The following TENM3 variants were observed in gnomAD, a reference collection of about 807,000 sequenced individuals.
TENM3 encodes teneurin transmembrane protein 3.
A neutral mutation model predicts 255.1 loss-of-function variants in TENM3; 63 were observed. The ratio of observed to expected loss-of-function variants is 0.25; its 90% CI spans 0.20 to 0.30. TENM3 has a LOEUF of 0.30. Ranked by LOEUF, TENM3 falls within the 10% of genes least tolerant of loss-of-function variation. The pLI is 1.00. For missense variants in TENM3, 2,929 were observed against 3,461.1 expected, an observed-to-expected ratio of 0.85 and a Z score of 3.86; for synonymous variants, 1,306 against 1,322.3, an observed-to-expected ratio of 0.99 and a Z score of 0.27.
At chr4:182,705,509 A>C (rs1484817656) in intron 12 of TENM3, among the ~76,000 whole-genome samples, 1 of 152,216 alleles carries the variant, frequency 6.6e-6, no homozygotes, top group Non-Finnish European at 1.5e-5. Flanking sequence ...AAACAATGTG[A>C]GTTGTTCATA....
intron 1 of TENM3, among the ~76,000 whole-genome samples, chr4:182,183,885 T>C (rs140684708): frequency 2.6e-4 from 39 of 152,336 alleles, no homozygotes; most frequent in African/African-American, 9.1e-4. Flanking sequence ...ATGAGTATTC[T>C]CAAATGTCTG....
the TENM3 span, among the ~76,000 whole-genome samples, chr4:181,709,813 G>A: frequency 3.3e-5 from 5 of 152,158 alleles, no homozygotes; most frequent in Admixed American, 6.5e-5. Flanking sequence ...TTGAAGTAGC[G>A]TTCAGAAGAT....
At chr4:182,256,965 A>G (rs1046235655) in intron 1 of TENM3, among the ~76,000 whole-genome samples, 2 of 151,984 alleles carry the variant, frequency 1.3e-5, no homozygotes, top group Non-Finnish European at 2.9e-5. Flanking sequence ...TCAGCTTCAC[A>G]CAGAGCTCCC....
intron 3 of TENM3, among the ~76,000 whole-genome samples, chr4:182,432,492 C>T (rs1771735080): frequency 1.3e-5 from 2 of 152,134 alleles, no homozygotes; most frequent in African/African-American, 4.8e-5. Flanking sequence ...ATTTTTAGGA[C>T]AATATGTACA....
chr4:181,769,828 T>G, the TENM3 span, among the ~76,000 whole-genome samples: 1 of 152,216 alleles, frequency 6.6e-6, no homozygotes, highest in Non-Finnish European at 1.5e-5. Flanking sequence ...TTTAATCATT[T>G]ACTACACCCC....
chr4:182,556,436 T>C (rs1742594351), intron 3 of TENM3, among the ~76,000 whole-genome samples: 1 of 152,176 alleles, frequency 6.6e-6, no homozygotes, highest in South Asian at 2.1e-4. Flanking sequence ...AACTCAACTA[T>C]GCGAACTATC....
At chr4:181,923,047 G>A in the TENM3 span, among the ~76,000 whole-genome samples, 20 of 152,280 alleles carry the variant, frequency 1.3e-4, no homozygotes, top group African/African-American at 4.3e-4. Context: ...GAGCGGCTTT[G>A]AGTGAGTTTC....
the TENM3 span, among the ~76,000 whole-genome samples, chr4:182,081,219 G>A: frequency 6.6e-6 from 1 of 152,056 alleles, no homozygotes; most frequent in Admixed American, 6.6e-5. Flanking sequence ...TACTCTTCTT[G>A]AATAGGTGCC....
the TENM3 span, among the ~76,000 whole-genome samples, chr4:181,768,666 T>A: frequency 6.6e-6 from 1 of 152,190 alleles, no homozygotes; most frequent in Non-Finnish European, 1.5e-5. Context: ...CTTTTTTTTC[T>A]ATCAAACCAG....
At chr4:181,893,883 T>C in the TENM3 span, among the ~76,000 whole-genome samples, 2 of 152,320 alleles carry the variant, frequency 1.3e-5, no homozygotes, top group East Asian at 3.9e-4. Flanking sequence ...ATTTAAAATA[T>C]GTATATTTTA....
At chr4:182,036,578 C>A in the TENM3 span, among the ~76,000 whole-genome samples, 4 of 152,158 alleles carry the variant, frequency 2.6e-5, no homozygotes, top group Non-Finnish European at 4.4e-5. Flanking sequence ...ATAATATGCA[C>A]AAATCATATT....
At chr4:182,650,103 A>G (rs1441427740) in intron 5 of TENM3, among the ~76,000 whole-genome samples, 1 of 150,674 alleles carries the variant, frequency 6.6e-6, no homozygotes, top group Non-Finnish European at 1.5e-5. Flanking sequence ...AAGATTAGAG[A>G]TAATACCAAT....
At chr4:182,615,042 A>AAAAAC (rs1403989160) in intron 4 of TENM3, among the ~76,000 whole-genome samples, 2 of 57,462 alleles carry the variant, frequency 3.5e-5, no homozygotes, top group Admixed American at 4.7e-4. Context: ...AAAAAAAAAA[A>AAAAAC]ATACATATAT....
the TENM3 span, among the ~76,000 whole-genome samples, chr4:182,062,829 T>C: frequency 6.6e-6 from 1 of 152,214 alleles, no homozygotes; most frequent in Admixed American, 6.5e-5. Flanking sequence ...TGAAAGGAAA[T>C]TTGATTGTTA....
intron 3 of TENM3, among the ~76,000 whole-genome samples, chr4:182,394,176 C>T (rs928611502): frequency 2.6e-5 from 4 of 152,106 alleles, no homozygotes; most frequent in African/African-American, 7.2e-5. Context: ...TCTAACTGCT[C>T]GTGGAACAAC....
chr4:182,221,902 C>T (rs1561213439), intron 1 of TENM3, among the ~76,000 whole-genome samples: 1 of 152,062 alleles, frequency 6.6e-6, no homozygotes, highest in Non-Finnish European at 1.5e-5. Context: ...GTTCTTTATG[C>T]TTTTTGGGGA....
upstream of TENM3, among the ~76,000 whole-genome samples, chr4:182,140,031 C>T (rs776936247): frequency 6.6e-6 from 1 of 152,178 alleles, no homozygotes; most frequent in Non-Finnish European, 1.5e-5. Context: ...TGTCAGTGAT[C>T]GAATTAAAAT....
At chr4:182,108,983 G>A in the TENM3 span, among the ~76,000 whole-genome samples, 39,529 of 151,628 alleles carry the variant, frequency 0.26, 5,782 homozygotes, top group East Asian at 0.52. Flanking sequence ...TCAATACCAT[G>A]CCAATTATAC....
the TENM3 span, among the ~76,000 whole-genome samples, chr4:181,735,707 T>C: frequency 6.6e-6 from 1 of 152,158 alleles, no homozygotes; most frequent in Admixed American, 6.5e-5. Flanking sequence ...CCCATTCCTG[T>C]TCTGCAAACC....
Sources: gnomAD v4.1 joint callset for allele counts (sites outside exome capture counted in the v4.1 genomes callset) on GRCh38, gnomAD v4.1.1 for gene constraint, MANE v1.5 for transcripts, NCBI Gene and HGNC (gene_info 2026-07-23, HGNC 2026-07-21) for gene names.